The following CUL3 variants were observed in gnomAD, a reference collection of about 807,000 sequenced individuals.
CUL3 encodes cullin-3.
A neutral mutation model predicts 89.1 loss-of-function variants in CUL3; 19 were observed. The observed-to-expected ratio is 0.21, with a 90% CI of 0.15 to 0.31. CUL3 has a LOEUF of 0.31. CUL3 is among the 10% of genes least tolerant of loss of function. The pLI is 1.00. For missense variants in CUL3, 469 were observed against 942.3 expected (o/e 0.50, Z 6.58); for synonymous variants, 351 against 308.4 (o/e 1.14, Z -1.45).
intron 1 of CUL3, among the ~76,000 whole-genome samples, chr2:224,584,717 G>A (rs1338689765): frequency 6.7e-6 from 1 of 148,794 alleles, no homozygotes; most frequent in East Asian, 2.0e-4. Flanking sequence ...CCGGACGGGG[G>A]CGCGGCGCCA....
rs548761621 is a variant in CUL3 at position 224,473,438 on chromosome 2, C to T, written c.*807G>A. ...ATACTAAATTCATTATTTTTGTCTA[C>T]AATAAATGAAATAAAAACACCACCC... On this transcript the variant is annotated 3_prime_UTR_variant, in exon 16 of 16. Coordinates refer to ENST00000264414, the MANE Select transcript of CUL3 (RefSeq NM_003590.5). 2.1e-5 allele frequency: 4 copies of T among 187,256 alleles called. No homozygotes were observed. The East Asian group carries it at 3.4e-4, about 16-fold the overall frequency. 11.6% of individuals were successfully genotyped at this position (187,256 alleles called of 1,614,324 possible).
At chr2:224,508,264 T>C (rs1175880427) in intron 6 of CUL3, among the ~76,000 whole-genome samples, 1 of 152,194 alleles carries the variant, frequency 6.6e-6, no homozygotes, top group Non-Finnish European at 1.5e-5. Context: ...TAAACTTTAT[T>C]TCAGTGACTT....
chr2:224,559,714 A>G (rs1207457486), intron 1 of CUL3, among the ~76,000 whole-genome samples: 2 of 152,100 alleles, frequency 1.3e-5, no homozygotes, highest in African/African-American at 4.8e-5. Context: ...GCCAAAATCT[A>G]ATGGGCAAAG....
At chr2:224,490,279 C>CT (rs1174268022) in intron 13 of CUL3, among the ~76,000 whole-genome samples, 1 of 152,184 alleles carries the variant, frequency 6.6e-6, no homozygotes, top group Non-Finnish European at 1.5e-5. Context: ...CTAAAAGTCT[C>CT]TGATATGCAG....
chr2:224,487,630 G>A (rs1018674361), intron 13 of CUL3, among the ~76,000 whole-genome samples: 6 of 152,150 alleles, frequency 3.9e-5, no homozygotes, highest in African/African-American at 1.4e-4. Context: ...TCTACAAAGA[G>A]ACTCAGACTC....
intron 14 of CUL3, 90 bp downstream of exon 14, chr2:224,481,802 G>C: frequency 2.7e-5 from 24 of 884,800 alleles, no homozygotes; most frequent in Non-Finnish European, 3.8e-5. Flanking sequence ...CAGAAAAGGA[G>C]TATTTTTAAA....
At chr2:224,553,189 A>G (rs924657035) in intron 2 of CUL3, among the ~76,000 whole-genome samples, 2 of 152,206 alleles carry the variant, frequency 1.3e-5, no homozygotes, top group African/African-American at 4.8e-5. Context: ...TACTGTGTTT[A>G]TATGATTATT....
intron 2 of CUL3, among the ~76,000 whole-genome samples, chr2:224,554,172 G>C (rs1282421998): frequency 6.6e-6 from 1 of 152,054 alleles, no homozygotes; most frequent in Non-Finnish European, 1.5e-5. Context: ...TAAAAAAACT[G>C]ACATAGCACA....
At chr2:224,476,219 G>T (rs571601124) in intron 15 of CUL3, among the ~76,000 whole-genome samples, 2 of 152,002 alleles carry the variant, frequency 1.3e-5, no homozygotes, top group African/African-American at 4.8e-5. Context: ...GTTTCGCTGT[G>T]TTTGTCAGGC....
intron 1 of CUL3, among the ~76,000 whole-genome samples, chr2:224,559,210 GA>G (rs796099713): frequency 1.5e-4 from 23 of 152,164 alleles, no homozygotes; most frequent in African/African-American, 5.5e-4. Flanking sequence ...AGCATTTTGG[GA>G]GACTGAGGCA....
rs115276664 is a variant in CUL3, at chr2:224,505,496, C to T, written c.1206+460G>A. On this transcript the variant is annotated intron_variant, in intron 8 of 15. Transcript: ENST00000264414. ...TGTCGCCCAGCATAGAGTGCAGTCACGCGATCACAGCTCACTGCAGCCTTG... is the reference window on the plus strand; with the variant it reads ...TGTCGCCCAGCATAGAGTGCAGTCATGCGATCACAGCTCACTGCAGCCTTG... 4.8e-3 allele frequency among the ~76,000 whole-genome samples: 725 copies of T among 152,252 alleles called. 7 individuals carry two copies. The highest frequency in any genetic ancestry group is 0.015 in the African/African-American group (620 of 41,536).
intron 1 of CUL3, among the ~76,000 whole-genome samples, chr2:224,577,482 T>C (rs963388442): frequency 1.3e-5 from 2 of 151,134 alleles, no homozygotes; most frequent in African/African-American, 4.9e-5. Flanking sequence ...GGCAGGAGAA[T>C]GGCGTGAACC....
In CUL3 at chr2:224,506,846, G is replaced by A; in HGVS notation, c.1029+12C>T. 6.2e-7 allele frequency: 1 copy of A among 1,609,900 alleles called. No individual in the cohort carries two copies. Among genetic ancestry groups the A allele is most frequent in the Non-Finnish European group, 8.5e-7 (1 of 1,178,450 alleles). On this transcript the variant is annotated intron_variant, in intron 7 of 15. Coordinates refer to ENST00000264414, the MANE Select transcript of CUL3 (RefSeq NM_003590.5). ...TTATCATAAACACAGAGAATCTTCT[G>A]GGTTTACTTACCTGGATATAGTCAA...
chr2:224,585,360 C>T lies in CUL3; in HGVS notation c.-351G>A. 5.1e-6 allele frequency: 2 copies of T among 390,056 alleles called. No individual in the cohort carries two copies. Among genetic ancestry groups the T allele is most frequent in the East Asian group, 3.6e-5 (1 of 27,494 alleles). 24.2% of individuals were successfully genotyped at this position (390,056 alleles called of 1,614,324 possible). A position where few individuals can be genotyped will look rare whatever the true frequency, so the allele number is the denominator to read the frequency against. On this transcript the variant is annotated 5_prime_UTR_variant, in exon 1 of 16. Coordinates refer to ENST00000264414, the MANE Select transcript of CUL3 (RefSeq NM_003590.5). ...TCTCACTGCGCAGGCCGAACGTCGT[C>T]CTCCTCCTCCTCCTTCTCCTCCTCC...
intron 3 of CUL3, among the ~76,000 whole-genome samples, chr2:224,523,358 C>A (rs1401753291): frequency 2.0e-5 from 3 of 151,226 alleles, no homozygotes; most frequent in Non-Finnish European, 4.4e-5. Flanking sequence ...TAAAAAACTA[C>A]CACCTCATAC....
At chr2:224,521,416 C>T (rs571897527) in intron 3 of CUL3, among the ~76,000 whole-genome samples, 1 of 151,996 alleles carries the variant, frequency 6.6e-6, no homozygotes, top group South Asian at 2.1e-4. Flanking sequence ...GCTTTAAAGT[C>T]CAGTAGTTTC....
At chr2:224,550,642 G>A (rs141246710) in intron 2 of CUL3, among the ~76,000 whole-genome samples, 1 of 152,120 alleles carries the variant, frequency 6.6e-6, no homozygotes, top group African/African-American at 2.4e-5. Context: ...ACTTAAAACT[G>A]ATCTTAGATT....
chr2:224,488,336 G>A (rs749998702), intron 13 of CUL3, among the ~76,000 whole-genome samples: 6 of 152,066 alleles, frequency 3.9e-5, no homozygotes, highest in Non-Finnish European at 8.8e-5. Context: ...CCAGGAACTG[G>A]TTTTTTGAAA....
At chr2:224,578,258 T>C (rs1007914801) in intron 1 of CUL3, among the ~76,000 whole-genome samples, 1 of 152,086 alleles carries the variant, frequency 6.6e-6, no homozygotes, top group Non-Finnish European at 1.5e-5. Flanking sequence ...TATTTGGCAA[T>C]AGGGAAATGG....
Sources: allele counts gnomAD v4.1 joint callset (sites outside exome capture counted in the v4.1 genomes callset), GRCh38; gene constraint gnomAD v4.1.1; transcripts MANE v1.5; gene names NCBI Gene and HGNC (gene_info 2026-07-23, HGNC 2026-07-21).